Variants in DPEP1 observed in about 807,000 individuals in gnomAD.
DPEP1 encodes the protein dipeptidase 1, also known as beta-lactamase.
A neutral mutation model predicts 42.3 loss-of-function variants in DPEP1; 50 were observed. That is an observed-to-expected ratio of 1.18 (90% CI 0.94 to 1.50). DPEP1 has a LOEUF of 1.50. Among genes scored for constraint, DPEP1 ranks in the 40% most tolerant of loss-of-function variants. The pLI is 0.00. For synonymous variants in DPEP1, 297 were observed against 234.0 expected, an observed-to-expected ratio of 1.27 and a Z score of -2.46; for missense variants, 663 against 553.0, an observed-to-expected ratio of 1.20 and a Z score of -1.99.
chr16:89,617,389 G>C (rs535743314), intron 1 of DPEP1, among the ~76,000 whole-genome samples: 5 of 152,292 alleles, frequency 3.3e-5, no homozygotes, highest in African/African-American at 1.2e-4. Context: ...CACGGTGCCT[G>C]CATGGAAGAA....
chr16:89,614,373 G>A (rs915357581), intron 1 of DPEP1, among the ~76,000 whole-genome samples: 1 of 152,292 alleles, frequency 6.6e-6, no homozygotes, highest in Non-Finnish European at 1.5e-5. Context: ...GAGGAGCGCC[G>A]AGTCCCCGGA....
rs374569343 is a variant in DPEP1 at position 89,630,421 on chromosome 16, G to C, written c.11G>C (p.Gly4Ala). MWS[G>A]WWLWPLVAVC... The stretch of plus-strand genomic sequence containing the variant: ...CCCGGGGACCCCACCATGTGGAGCG[G>C]ATGGTGGCTGTGGCCCCTTGTGGCC... The change falls in exon 2 of 11, where the codon GGA (glycine) becomes GCA (alanine). Residue 4 changes from glycine (G) to alanine (A), a missense_variant. Gly to Ala is a moderately conservative substitution (Grantham distance 60, BLOSUM62 0). Transcript: ENST00000690203. The C allele has an allele frequency of 6.5e-5, 105 of 1,610,854 alleles. 1 individual carries two copies. In the Middle Eastern group the frequency reaches 5.1e-3, roughly 78 times the overall value.
chr16:89,628,477 C>T (rs1243794954), intron 1 of DPEP1, among the ~76,000 whole-genome samples: 2 of 151,200 alleles, frequency 1.3e-5, no homozygotes, highest in African/African-American at 2.4e-5. Context: ...AGGCTGATCT[C>T]GAACTCCTGA....
rs775091942 is a variant in DPEP1 at position 89,637,759 on chromosome 16, C to G, written c.929+52C>G. The G allele has an allele frequency of 3.1e-6, 5 of 1,612,660 alleles. No homozygotes were observed. The African/African-American group carries it at 5.3e-5, about 17-fold the overall frequency. On this transcript the variant is annotated intron_variant, in intron 9 of 10. Transcript: ENST00000690203. Reference sequence around the variant, plus strand: ...GGATGAGCCGGGAGGTTCATGGCCTCGTCAGAGGGATGAGGTGGCTGGAGG... The same window carrying G: ...GGATGAGCCGGGAGGTTCATGGCCTGGTCAGAGGGATGAGGTGGCTGGAGG...
intron 2 of DPEP1, among the ~76,000 whole-genome samples, chr16:89,631,492 A>G (rs1194163194): frequency 6.6e-6 from 1 of 152,158 alleles, no homozygotes; most frequent in African/African-American, 2.4e-5. Flanking sequence ...CACCTGGAAA[A>G]TGCCTCTGGG....
chr16:89,639,895 T>TC (rs2151507516), downstream of DPEP1, among the ~76,000 whole-genome samples: 1 of 146,236 alleles, frequency 6.8e-6, no homozygotes, highest in Non-Finnish European at 1.5e-5. Context: ...CAGGCTGGTT[T>TC]CCAACCCCGA....
At chr16:89,636,829 C>T (rs373406390) in intron 5 of DPEP1, 37 bp from the exon 6 acceptor site, 61 of 1,610,808 alleles carry the variant, frequency 3.8e-5, no homozygotes, top group Middle Eastern at 3.3e-4. Context: ...CCGAGACCAC[C>T]GCTCACCTCT....
chr16:89,625,364 C>G (rs1173716129), intron 1 of DPEP1, among the ~76,000 whole-genome samples: 1 of 152,172 alleles, frequency 6.6e-6, no homozygotes, highest in Non-Finnish European at 1.5e-5. Context: ...TTTTAACCGT[C>G]AGTTCTCTTC....
chr16:89,635,461 TTACCCAGC>T (rs1349931184), intron 2 of DPEP1, among the ~76,000 whole-genome samples: 27 of 152,242 alleles, frequency 1.8e-4, no homozygotes, highest in African/African-American at 6.3e-4. Context: ...GCCGTTCCAA[TTACCCAGC>T]CACCCACCAT....
At chr16:89,614,166 C>T (rs952915926) in intron 1 of DPEP1, among the ~76,000 whole-genome samples, 13 of 152,074 alleles carry the variant, frequency 8.5e-5, no homozygotes, top group Non-Finnish European at 1.3e-4. Context: ...CTCTCAGACC[C>T]GCCGCTGTCC....
chr16:89,636,085 C>G (rs547668035), intron 3 of DPEP1, 45 bp downstream of exon 3: 2 of 1,575,352 alleles, frequency 1.3e-6, no homozygotes, highest in Non-Finnish European at 1.7e-6. Context: ...GGGGTCATCC[C>G]GTCTCCTACC....
Position 89,636,519 on chromosome 16 carries a change from G to A in DPEP1, c.371-14G>A, listed in dbSNP as rs1212490075. ...CCAGGTGCCCACTCCCCTGCACCCT[G>A]ACTCTCCCCGCAGGCATTCGGCAGG... On this transcript the variant is annotated splice_polypyrimidine_tract_variant and intron_variant, in intron 4 of 10. Coordinates refer to ENST00000690203, the MANE Select transcript of DPEP1 (RefSeq NM_001389466.1). 3.1e-6 allele frequency: 5 copies of A among 1,610,890 alleles called. No homozygotes were observed. The highest frequency in any genetic ancestry group is 2.2e-5 in the East Asian group (1 of 44,856).
chr16:89,641,210 C>T (rs1280729470), downstream of DPEP1, among the ~76,000 whole-genome samples: 4 of 99,058 alleles, frequency 4.0e-5, no homozygotes, highest in East Asian at 8.8e-4. Flanking sequence ...GTTAGGCCTC[C>T]GGAGGGCTGC....
chr16:89,635,845 C>G, intron 2 of DPEP1, 63 bp from the exon 3 acceptor site: 1 of 1,520,732 alleles, frequency 6.6e-7, no homozygotes, highest in Non-Finnish European at 8.8e-7. Flanking sequence ...AGGCCAGGAG[C>G]TCGGAAGCCC....
rs1293517568 is a variant in DPEP1 at position 89,637,567 on chromosome 16, A to G, written c.853+15A>G. 9 of 1,612,698 alleles carry G rather than the reference A, an allele frequency of 5.6e-6. No individual in the cohort carries two copies. Among genetic ancestry groups the G allele is most frequent in the Non-Finnish European group, 7.6e-6 (9 of 1,179,976 alleles). On this transcript the variant is annotated intron_variant, in intron 8 of 10. Transcript: ENST00000690203. The stretch of plus-strand genomic sequence containing the variant: ...CCAAGTGGCCGGTAGGTGGGGTGTG[A>G]GCGGCCAAGGGGGCCGAAGGGGGAG...
At chr16:89,628,062 C>T (rs1243616961) in intron 1 of DPEP1, among the ~76,000 whole-genome samples, 3 of 150,746 alleles carry the variant, frequency 2.0e-5, no homozygotes, top group Admixed American at 1.3e-4. Context: ...AGCTGGGACT[C>T]CAGGCACCCG....
Position 89,637,504 on chromosome 16 carries a change from A to C in DPEP1, c.805A>C (p.Asn269His), listed in dbSNP as rs751105870. The C allele has an allele frequency of 1.2e-5, 20 of 1,612,736 alleles. No individual in the cohort carries two copies. ...TDSLVMVNFY[N>H]NYISCTNKAN... ...CAGCCTGGTGATGGTGAACTTCTACAACAATTACATTTCCTGCACCAACAA... is the reference window on the plus strand; with the variant it reads ...CAGCCTGGTGATGGTGAACTTCTACCACAATTACATTTCCTGCACCAACAA... The change falls in exon 8 of 11, where the codon AAC becomes CAC. Residue 269 changes from asparagine (N) to histidine (H), a missense_variant. Coordinates refer to ENST00000690203, the MANE Select transcript of DPEP1 (RefSeq NM_001389466.1).
chr16:89,629,473 G>A (rs1043989994), intron 1 of DPEP1, among the ~76,000 whole-genome samples: 21 of 151,860 alleles, frequency 1.4e-4, no homozygotes, highest in African/African-American at 4.8e-4. Context: ...CTGTCCTCCA[G>A]CTGGGGCGAT....
intron 1 of DPEP1, among the ~76,000 whole-genome samples, chr16:89,628,746 G>A (rs1175968093): frequency 2.0e-5 from 3 of 151,896 alleles, no homozygotes; most frequent in African/African-American, 4.8e-5. Context: ...TAGTATTGGA[G>A]CTGAAGGCAA....
Sources: allele counts gnomAD v4.1 joint callset (sites outside exome capture counted in the v4.1 genomes callset), GRCh38; gene constraint gnomAD v4.1.1; transcripts MANE v1.5; gene names NCBI Gene and HGNC (gene_info 2026-07-23, HGNC 2026-07-21).